TRPC4AP: variants seen among roughly 807,000 people sequenced by gnomAD.
TRPC4AP encodes transient receptor potential cation channel subfamily C member 4 associated protein.
TRPC4AP carries 45 observed loss-of-function variants against 99.0 expected under a neutral mutation model. The observed-to-expected ratio is 0.45, with a 90% CI of 0.36 to 0.58. The LOEUF (loss-of-function observed/expected upper bound fraction) is 0.58, where lower values mean the gene tolerates loss of function less well. TRPC4AP is among the 20% of genes least tolerant of loss of function. The probability of loss-of-function intolerance (pLI) is 0.00; values close to 1 mark genes in which losing one functional copy is unlikely to be tolerated. For synonymous variants in TRPC4AP, 408 were observed against 385.8 expected (o/e 1.06, Z -0.67); for missense variants, 879 against 985.3 (o/e 0.89, Z 1.44).
intron 5 of TRPC4AP, among the ~76,000 whole-genome samples, chr20:35,051,975 T>C (rs1264191583): frequency 6.6e-6 from 1 of 152,150 alleles, no homozygotes; most frequent in Admixed American, 6.5e-5. Flanking sequence ...CTTCCTTTCC[T>C]CTATATCACA....
intron 9 of TRPC4AP, among the ~76,000 whole-genome samples, chr20:35,018,604 GAAAAAA>G (rs11479211): frequency 3.4e-5 from 3 of 88,950 alleles, no homozygotes; most frequent in African/African-American, 1.3e-4. Context: ...CTCAAAAAAA[GAAAAAA>G]AAAAAAAAAA....
intron 17 of TRPC4AP, 75 bp from the exon 18 acceptor site, chr20:35,003,691 C>G (rs943357641): frequency 4.0e-6 from 6 of 1,508,074 alleles, no homozygotes; most frequent in Non-Finnish European, 4.5e-6. Context: ...GGGTAGCCAT[C>G]AGGCAGGGAG....
chr20:35,082,396 TAC>T (rs1411200590), intron 1 of TRPC4AP, among the ~76,000 whole-genome samples: 1 of 152,138 alleles, frequency 6.6e-6, no homozygotes, highest in Non-Finnish European at 1.5e-5. Context: ...TGAACTGAAA[TAC>T]AGACTATGTT....
chr20:35,076,536 C>A (rs2084485599), intron 2 of TRPC4AP, among the ~76,000 whole-genome samples: 1 of 152,162 alleles, frequency 6.6e-6, no homozygotes, highest in Non-Finnish European at 1.5e-5. Context: ...CCACTCCAGA[C>A]CCTGTTTGTC....
chr20:35,005,927 G>A (rs2082506990), intron 15 of TRPC4AP, 124 bp from the exon 16 acceptor site: 2 of 783,312 alleles, frequency 2.6e-6, no homozygotes, highest in African/African-American at 1.7e-5. Flanking sequence ...CAGATAGGAA[G>A]ACAGAGGCTC....
chr20:35,056,764 G>A (rs955504495), intron 4 of TRPC4AP, among the ~76,000 whole-genome samples: 4 of 151,784 alleles, frequency 2.6e-5, no homozygotes, highest in African/African-American at 4.8e-5. Context: ...CAGATCACTT[G>A]AGGTCAGGAG....
chr20:35,004,356 G>A (rs2082470415), intron 17 of TRPC4AP, 102 bp downstream of exon 17: 14 of 944,296 alleles, frequency 1.5e-5, no homozygotes, highest in South Asian at 1.5e-4. Context: ...GGTCTCCAGA[G>A]ACGCACTTCT....
intron 3 of TRPC4AP, among the ~76,000 whole-genome samples, chr20:35,067,906 T>G (rs953765657): frequency 6.6e-6 from 1 of 152,044 alleles, no homozygotes; most frequent in African/African-American, 2.4e-5. Context: ...TTTTTTGAGG[T>G]GATGAAAATG....
intron 3 of TRPC4AP, among the ~76,000 whole-genome samples, chr20:35,067,213 G>C (rs1001932088): frequency 6.6e-6 from 1 of 152,204 alleles, no homozygotes; most frequent in Non-Finnish European, 1.5e-5. Context: ...GGGCTGGAGC[G>C]GGGGCTCATG....
intron 1 of TRPC4AP, among the ~76,000 whole-genome samples, chr20:35,080,853 C>T (rs1305878033): frequency 6.6e-6 from 1 of 150,562 alleles, no homozygotes; most frequent in African/African-American, 2.4e-5. Flanking sequence ...AACTTGTACA[C>T]TTTAAAAGGG....
intron 13 of TRPC4AP, among the ~76,000 whole-genome samples, chr20:35,007,899 G>A (rs1268228464): frequency 1.3e-5 from 2 of 152,318 alleles, no homozygotes; most frequent in East Asian, 1.9e-4. Context: ...ATCTGGGATC[G>A]AAGGGCTGGC....
intron 2 of TRPC4AP, among the ~76,000 whole-genome samples, chr20:35,074,443 G>C (rs1460728987): frequency 1.3e-5 from 2 of 152,208 alleles, no homozygotes; most frequent in Non-Finnish European, 2.9e-5. Context: ...TGCTTTAAAT[G>C]TGTCCCAGAG....
chr20:35,040,183 T>C (rs2083415671), intron 7 of TRPC4AP, among the ~76,000 whole-genome samples: 1 of 151,998 alleles, frequency 6.6e-6, no homozygotes, highest in Non-Finnish European at 1.5e-5. Flanking sequence ...TGATGGTTAA[T>C]TTTAGCTGTC....
intron 6 of TRPC4AP, among the ~76,000 whole-genome samples, chr20:35,046,184 TAA>T (rs1428969274): frequency 3.3e-5 from 5 of 152,202 alleles, no homozygotes; most frequent in Non-Finnish European, 7.4e-5. Flanking sequence ...TAATATCCTA[TAA>T]GTTAAATTTT....
intron 12 of TRPC4AP, among the ~76,000 whole-genome samples, chr20:35,009,656 AAAAC>A (rs1327640294): frequency 2.6e-5 from 4 of 152,198 alleles, no homozygotes; most frequent in South Asian, 2.1e-4. Context: ...AAAACAAAAC[AAAAC>A]AAACAAACAA....
chr20:35,040,477 C>G (rs575879679), intron 7 of TRPC4AP, among the ~76,000 whole-genome samples: 1 of 152,282 alleles, frequency 6.6e-6, no homozygotes, highest in African/African-American at 2.4e-5. Context: ...CTTGCACCAG[C>G]AGTTTCTGGG....
intron 8 of TRPC4AP, among the ~76,000 whole-genome samples, chr20:35,022,285 A>G (rs2082908557): frequency 1.3e-5 from 2 of 152,104 alleles, no homozygotes; most frequent in Admixed American, 1.3e-4. Flanking sequence ...CCTCCCGAGT[A>G]GCTGGGACTA....
intron 6 of TRPC4AP, among the ~76,000 whole-genome samples, chr20:35,049,167 G>A (rs2083634206): frequency 6.6e-6 from 1 of 152,088 alleles, no homozygotes; most frequent in Non-Finnish European, 1.5e-5. Flanking sequence ...ATGTAACACA[G>A]TAAGTCTCTA....
chr20:35,090,517 G>A (rs1424876646), intron 1 of TRPC4AP, among the ~76,000 whole-genome samples: 1 of 151,742 alleles, frequency 6.6e-6, no homozygotes, highest in Admixed American at 6.6e-5. Context: ...GGGATTACAG[G>A]TGCTTACCAC....
Sources: gnomAD v4.1 joint callset for allele counts (sites outside exome capture counted in the v4.1 genomes callset) on GRCh38, gnomAD v4.1.1 for gene constraint, MANE v1.5 for transcripts, NCBI Gene and HGNC (gene_info 2026-07-23, HGNC 2026-07-21) for gene names.